The following NME8 variants were observed in gnomAD, a reference collection of about 807,000 sequenced individuals.
NME8 encodes protein NME8.
In NME8, 72 loss-of-function variants were observed where a neutral mutation model predicts 82.3. The observed-to-expected ratio is 0.87, with a 90% CI of 0.72 to 1.06. The LOEUF (loss-of-function observed/expected upper bound fraction) is 1.06. Among genes scored for constraint, NME8 ranks in the 50% least tolerant of loss-of-function variants. The pLI is 0.00. For missense variants in NME8, 712 were observed against 685.4 expected (o/e 1.04, Z -0.43); for synonymous variants, 267 against 228.5 (o/e 1.17, Z -1.52).
At chr7:37,865,488 C>A in intron 9 of NME8, 37 bp from the exon 10 acceptor site, 1 of 1,410,498 alleles carries the variant, frequency 7.1e-7, no homozygotes, top group Non-Finnish European at 1.0e-6. Flanking sequence ...CATGTGATCC[C>A]ACGACACCTG....
chr7:37,864,470 C>G (rs1784645375), intron 9 of NME8, 49 bp downstream of exon 9: 3 of 1,455,202 alleles, frequency 2.1e-6, no homozygotes, highest in Non-Finnish European at 2.8e-6. Flanking sequence ...AAATAACAAC[C>G]TCTTAATCGT....
In NME8 at chr7:37,884,392, T is replaced by A; in HGVS notation, c.1084T>A (p.Cys362Ser). 1 of 1,610,522 alleles carries A rather than the reference T, an allele frequency of 6.2e-7. No homozygotes were observed. Among genetic ancestry groups the A allele is most frequent in the Non-Finnish European group, 8.5e-7 (1 of 1,176,826 alleles). ...VLSEKEAQALCKEYENEDYFN... is the reference protein window; with the variant it reads ...VLSEKEAQALSKEYENEDYFN... The stretch of plus-strand genomic sequence containing the variant: ...ATCGGAAAAAGAAGCACAAGCACTG[T>A]GCAAGGAATATGAAAATGAAGACTA... Residue 362 changes from cysteine to serine, a missense_variant, in exon 13 of 18, where the codon TGC (cysteine) becomes AGC (serine). By Grantham distance (112) the Cys-to-Ser change is moderately radical. Coordinates refer to ENST00000199447, the MANE Select transcript of NME8 (RefSeq NM_016616.5).
rs757367181 is a variant in NME8, at chr7:37,862,058, GC to G, written c.302del (p.Ala101GlufsTer13). 5.6e-6 allele frequency: 9 copies of G among 1,613,610 alleles called. No individual in the cohort carries two copies. In the South Asian group the frequency reaches 9.9e-5, roughly 18 times the overall value. On this transcript the variant is annotated frameshift_variant, in exon 7 of 18. Transcript: ENST00000199447. LOFTEE classifies it high-confidence loss of function. ...CAAAATTATCGAAAAGATTCAGGGT[GC>G]AAATGCACCGCTTGTTAATAAAAAA... ...NGKIIEKIQG[A>X]NAPLVNKKVI...
At chr7:37,850,115 A>G (rs1359467332) in intron 2 of NME8, 145 bp from the exon 3 acceptor site, 7 of 658,232 alleles carry the variant, frequency 1.1e-5, no homozygotes, top group Non-Finnish European at 1.6e-5. Context: ...ATTTAAGTAC[A>G]TAAATACAGA....
chr7:37,893,351 A>T (rs1278101118), intron 15 of NME8, among the ~76,000 whole-genome samples: 2 of 152,188 alleles, frequency 1.3e-5, no homozygotes, highest in African/African-American at 4.8e-5. Flanking sequence ...ATCGTTTTAG[A>T]GCACAGATCT....
intron 11 of NME8, among the ~76,000 whole-genome samples, chr7:37,876,320 A>AT (rs1264075845): frequency 6.6e-6 from 1 of 151,730 alleles, no homozygotes; most frequent in Non-Finnish European, 1.5e-5. Flanking sequence ...ATTACAAATA[A>AT]TTTTTTCTTT....
chr7:37,858,673 C>T lies in NME8; in HGVS notation c.270+1328C>T, dbSNP rs74658751. The stretch of plus-strand genomic sequence containing the variant: ...GAACAATGAGGAGGCTTTAGCTGCA[C>T]GTAGTGGGTAGGTGCATGGGAATGA... On this transcript the variant is annotated intron_variant, in intron 6 of 17. Transcript: ENST00000199447. Among the ~76,000 whole-genome samples, 102 of 152,094 alleles carry T rather than the reference C, an allele frequency of 6.7e-4. 1 individual carries two copies. The highest frequency in any genetic ancestry group is 1.2e-3 in the East Asian group (6 of 5,186).
At chr7:37,888,183 C>CACAG in intron 14 of NME8, 94 bp from the exon 15 acceptor site, 1 of 1,259,862 alleles carries the variant, frequency 7.9e-7, no homozygotes, top group African/African-American at 1.5e-5. Flanking sequence ...GAATTATTTG[C>CACAG]TGTTATTTGA....
intron 5 of NME8, among the ~76,000 whole-genome samples, chr7:37,854,309 A>G (rs954310888): frequency 2.6e-5 from 4 of 152,110 alleles, no homozygotes; most frequent in Non-Finnish European, 4.4e-5. Context: ...AAAATTCTTC[A>G]TCCTCATCAT....
chr7:37,880,042 T>C (rs746699569), intron 12 of NME8, among the ~76,000 whole-genome samples: 7 of 152,070 alleles, frequency 4.6e-5, no homozygotes, highest in Non-Finnish European at 7.4e-5. Context: ...CATTTCTTAA[T>C]TGAGTTGTTC....
Position 37,894,524 on chromosome 7 carries a change from G to A in NME8, c.1458G>A (p.Met486Ile). The change falls in exon 16 of 18, where the codon ATG (methionine) becomes ATA (isoleucine). Residue 486 changes from methionine (M) to isoleucine (I), a missense_variant. Met to Ile is a conservative substitution (Grantham distance 10). Transcript: ENST00000199447. The stretch of plus-strand genomic sequence containing the variant: ...TTGATCTGACACAGGTGAAGAAAAT[G>A]TTCCTAACTCCTGAGCAAATAGAGA... ...AGFDLTQVKK[M>I]FLTPEQIEKI... The A allele has an allele frequency of 1.2e-6, 2 of 1,612,954 alleles. No homozygotes were observed. Among genetic ancestry groups the A allele is most frequent in the East Asian group, 2.2e-5 (1 of 44,796 alleles).
In NME8 at chr7:37,864,432, T is replaced by C. The variant is rs117681493; in HGVS notation, c.528+11T>C. On this transcript the variant is annotated intron_variant, in intron 9 of 17. Coordinates refer to ENST00000199447, the MANE Select transcript of NME8 (RefSeq NM_016616.5). ...GAAATTAAAAGAAAAGTAAGTAATA[T>C]TTTCCAACTATGATTAAATTAATTG... is the stretch of plus-strand genomic sequence containing the variant. 6.5e-3 allele frequency: 10,095 copies of C among 1,559,612 alleles called. 52 individuals are homozygous for C. Among genetic ancestry groups the C allele is most frequent in the Non-Finnish European group, 7.9e-3 (9,014 of 1,139,154 alleles).
chr7:37,887,313 T>C (rs903074213), intron 14 of NME8, among the ~76,000 whole-genome samples: 1 of 152,194 alleles, frequency 6.6e-6, no homozygotes, highest in African/African-American at 2.4e-5. Context: ...GTTGCTCACC[T>C]GGAGGTTTCC....
At chr7:37,863,216 C>G (rs1300789606) in intron 7 of NME8, among the ~76,000 whole-genome samples, 180 bp from the exon 8 acceptor site, 1 of 152,098 alleles carries the variant, frequency 6.6e-6, no homozygotes, top group Middle Eastern at 3.2e-3. Context: ...TAAAACATCC[C>G]TTATTTTATT....
chr7:37,863,447 C>T lies in NME8; in HGVS notation c.439C>T (p.Pro147Ser). Residue 147 changes from proline (P) to serine (S), a missense_variant, in exon 8 of 18, where the codon CCA (proline) becomes TCA (serine). Transcript: ENST00000199447. ...DSDSEVSEES[P>S]CESVQELYSI... The stretch of plus-strand genomic sequence containing the variant: ...AGATTCAGAAGTTAGTGAAGAATCA[C>T]CATGTGAAAGTGTTCGTAAGTAAAT... 6.3e-7 allele frequency: 1 copy of T among 1,597,732 alleles called. No individual in the cohort carries two copies. The highest frequency in any genetic ancestry group is 8.6e-7 in the Non-Finnish European group (1 of 1,165,160).
At chr7:37,879,539 T>C (rs1259159531) in intron 12 of NME8, among the ~76,000 whole-genome samples, 2 of 152,240 alleles carry the variant, frequency 1.3e-5, no homozygotes, top group African/African-American at 2.4e-5. Context: ...TCATTTCTTT[T>C]TATCACTGAA....
chr7:37,863,375 C>T (rs1784627189), intron 7 of NME8, 21 bp from the exon 8 acceptor site: 1 of 1,430,486 alleles, frequency 7.0e-7, no homozygotes, highest in Admixed American at 1.7e-5. Context: ...GTTATCTTTG[C>T]ATTGCATTTC....
intron 12 of NME8, among the ~76,000 whole-genome samples, chr7:37,882,589 AAGAAAGAAAGAGAGAGAGAGAG>A (rs1309029433): frequency 2.1e-4 from 11 of 52,324 alleles, no homozygotes; most frequent in South Asian, 1.7e-3. Flanking sequence ...GAAAGAAAGA[AAGAAAGAAAGAGAGAGAGAGAG>A]AGAGAAAGAA....
intron 8 of NME8, among the ~76,000 whole-genome samples, chr7:37,863,911 A>G (rs532502649): frequency 6.6e-6 from 1 of 152,320 alleles, no homozygotes; most frequent in African/African-American, 2.4e-5. Context: ...AACAGCCATA[A>G]CCAAATGAGT....
Sources: allele counts gnomAD v4.1 joint callset (sites outside exome capture counted in the v4.1 genomes callset), GRCh38; gene constraint gnomAD v4.1.1; transcripts MANE v1.5; gene names NCBI Gene and HGNC (gene_info 2026-07-23, HGNC 2026-07-21).